The following SASH1 variants were observed in gnomAD, a reference collection of about 807,000 sequenced individuals.
SASH1 encodes the protein SAM and SH3 domain-containing protein 1.
SASH1 carries 44 observed loss-of-function variants against 125.2 expected under a neutral mutation model. That is an observed-to-expected ratio of 0.35 (90% CI 0.28 to 0.45). The LOEUF (loss-of-function observed/expected upper bound fraction) is 0.45, where lower values mean the gene tolerates loss of function less well. Ranked by LOEUF, SASH1 falls within the 20% of genes least tolerant of loss-of-function variation. SASH1 has a pLI of 1.00. For synonymous variants in SASH1, 639 were observed against 649.1 expected (o/e 0.98, Z 0.24); for missense variants, 1,426 against 1,614.5 (o/e 0.88, Z 2.00).
intron 2 of SASH1, among the ~76,000 whole-genome samples, chr6:148,391,146 GTCC>G (rs1453231985): frequency 1.4e-5 from 2 of 142,000 alleles, no homozygotes; most frequent in Middle Eastern, 3.4e-3. Context: ...TTTCTCTCTT[GTCC>G]CCCAGGCTGG....
At chr6:148,433,983 T>A (rs1776174645) in intron 2 of SASH1, among the ~76,000 whole-genome samples, 1 of 151,672 alleles carries the variant, frequency 6.6e-6, no homozygotes. Context: ...ACCATTGGCG[T>A]GTAGAATTCT....
At chr6:148,433,385 T>C (rs948634133) in intron 2 of SASH1, among the ~76,000 whole-genome samples, 3 of 151,156 alleles carry the variant, frequency 2.0e-5, no homozygotes, top group Non-Finnish European at 2.9e-5. Context: ...AATAAAGTAT[T>C]AATACTTTTG....
At chr6:148,332,568 C>T (rs1036374925) in intron 1 of SASH1, among the ~76,000 whole-genome samples, 3 of 150,876 alleles carry the variant, frequency 2.0e-5, no homozygotes. Flanking sequence ...CCCTTTAAAA[C>T]CAAGTATCTC....
At chr6:148,204,407 C>A in the SASH1 span, among the ~76,000 whole-genome samples, 5 of 152,096 alleles carry the variant, frequency 3.3e-5, no homozygotes, top group African/African-American at 1.2e-4. Context: ...AGATAAAATT[C>A]TTGGCTGGGT....
upstream of SASH1, among the ~76,000 whole-genome samples, chr6:148,341,829 T>C (rs1781337435): frequency 1.3e-5 from 2 of 152,194 alleles, no homozygotes; most frequent in South Asian, 4.1e-4. Context: ...ATGTGGTTTC[T>C]TAACTGTTTC....
intron 2 of SASH1, among the ~76,000 whole-genome samples, chr6:148,428,049 A>G (rs1775901564): frequency 6.6e-6 from 1 of 152,212 alleles, no homozygotes; most frequent in Non-Finnish European, 1.5e-5. Flanking sequence ...CCATTTTCCT[A>G]TGGCTACCTT....
At chr6:148,528,889 T>TG (rs1360142857) in intron 12 of SASH1, among the ~76,000 whole-genome samples, 2 of 152,100 alleles carry the variant, frequency 1.3e-5, no homozygotes, top group African/African-American at 2.4e-5. Context: ...GTAGAATCAG[T>TG]GGGAGCCCTG....
chr6:148,353,715 G>T (rs1404711592), intron 1 of SASH1, among the ~76,000 whole-genome samples: 8 of 152,070 alleles, frequency 5.3e-5, no homozygotes, highest in Non-Finnish European at 8.8e-5. Context: ...GATTACAGGC[G>T]TGAGCCACCA....
At chr6:148,371,500 T>G (rs1381331265) in intron 1 of SASH1, among the ~76,000 whole-genome samples, 3 of 151,986 alleles carry the variant, frequency 2.0e-5, no homozygotes, top group Admixed American at 6.6e-5. Flanking sequence ...ACTCCAGACC[T>G]CAGGTGATCC....
intron 1 of SASH1, among the ~76,000 whole-genome samples, chr6:148,283,600 C>T (rs1779404488): frequency 6.6e-6 from 1 of 152,092 alleles, no homozygotes. Flanking sequence ...GGTGAAACCC[C>T]TGTCTCTACT....
chr6:148,229,691 A>C, the SASH1 span, among the ~76,000 whole-genome samples: 4 of 150,950 alleles, frequency 2.6e-5, no homozygotes, highest in Non-Finnish European at 5.9e-5. Flanking sequence ...AAGTTGTGCG[A>C]CCAACACCAT....
At chr6:148,431,959 G>C (rs1269062253) in intron 2 of SASH1, among the ~76,000 whole-genome samples, 5 of 149,854 alleles carry the variant, frequency 3.3e-5, no homozygotes. Flanking sequence ...AGACTAGATA[G>C]TGTACAAAGT....
chr6:148,280,723 G>T (rs976168625), intron 1 of SASH1, among the ~76,000 whole-genome samples: 2 of 152,056 alleles, frequency 1.3e-5, no homozygotes, highest in Non-Finnish European at 2.9e-5. Flanking sequence ...CAGGAGATTC[G>T]CTTGAGCCTG....
chr6:148,426,563 A>G (rs1212796136), intron 2 of SASH1, among the ~76,000 whole-genome samples: 1 of 152,164 alleles, frequency 6.6e-6, no homozygotes, highest in Non-Finnish European at 1.5e-5. Flanking sequence ...GTGCCCGAAC[A>G]GAAGGAGTGT....
chr6:148,297,434 G>A (rs1484923763), intron 1 of SASH1, among the ~76,000 whole-genome samples: 1 of 151,966 alleles, frequency 6.6e-6, no homozygotes, highest in African/African-American at 2.4e-5. Context: ...AACTAGGATT[G>A]TAAAAAAAAA....
chr6:148,368,764 G>GCACACACACACACACACACACACACACA (rs1782580258), intron 1 of SASH1, among the ~76,000 whole-genome samples: 1 of 16,598 alleles, frequency 6.0e-5, no homozygotes, highest in South Asian at 3.5e-3. Flanking sequence ...GCGCGCGCAC[G>GCACACACACACACACACACACACACACA]CGCGCGCACA....
intron 8 of SASH1, among the ~76,000 whole-genome samples, chr6:148,509,945 T>A (rs980130430): frequency 6.6e-6 from 1 of 152,224 alleles, no homozygotes; most frequent in Non-Finnish European, 1.5e-5. Context: ...GGAAGGAGGC[T>A]CCACCCTCCT....
intron 4 of SASH1, among the ~76,000 whole-genome samples, chr6:148,448,310 ATCT>A (rs1175191200): frequency 9.9e-5 from 15 of 151,894 alleles, no homozygotes; most frequent in Non-Finnish European, 1.8e-4. Flanking sequence ...CTCTAGAAAA[ATCT>A]TCTTGCCGTT....
intron 8 of SASH1, among the ~76,000 whole-genome samples, chr6:148,499,059 T>TTTG (rs1237121543): frequency 5.8e-5 from 8 of 138,700 alleles, no homozygotes; most frequent in African/African-American, 2.2e-4. Flanking sequence ...TTTTTTTTGT[T>TTTG]TTTTTTTTTT....
Sources: gnomAD v4.1 joint callset for allele counts (sites outside exome capture counted in the v4.1 genomes callset) on GRCh38, gnomAD v4.1.1 for gene constraint, MANE v1.5 for transcripts, NCBI Gene and HGNC (gene_info 2026-07-23, HGNC 2026-07-21) for gene names.